Variants in CDH13 observed in about 807,000 individuals in gnomAD.
CDH13 encodes cadherin-13.
Under a neutral mutation model 63.8 loss-of-function variants are expected in CDH13, and 24 were observed. That is an observed-to-expected ratio of 0.38 (90% confidence interval 0.27 to 0.53). The LOEUF (loss-of-function observed/expected upper bound fraction) is 0.53. Ranked by LOEUF, CDH13 falls within the 20% of genes least tolerant of loss-of-function variation. The pLI, the probability that CDH13 is intolerant of heterozygous loss-of-function variation, is 0.85. For missense variants in CDH13, 1,049 were observed against 903.1 expected (o/e 1.16, Z -2.07); for synonymous variants, 503 against 355.3 (o/e 1.42, Z -4.67).
chr16:83,409,244 A>C (rs1023890711), intron 6 of CDH13, among the ~76,000 whole-genome samples: 3 of 152,124 alleles, frequency 2.0e-5, no homozygotes, highest in Admixed American at 1.3e-4. Flanking sequence ...AGAGAAAGAT[A>C]TGGGAGCTGG....
chr16:83,220,362 G>A (rs951874568), intron 5 of CDH13, among the ~76,000 whole-genome samples: 1 of 152,150 alleles, frequency 6.6e-6, no homozygotes, highest in African/African-American at 2.4e-5. Flanking sequence ...GCCTGTTTAA[G>A]AATAAGTTAC....
At chr16:83,531,040 C>G (rs188041265) in intron 7 of CDH13, among the ~76,000 whole-genome samples, 1 of 152,134 alleles carries the variant, frequency 6.6e-6, no homozygotes, top group African/African-American at 2.4e-5. Flanking sequence ...GGGATAGTTA[C>G]GAGCATTAAA....
intron 6 of CDH13, among the ~76,000 whole-genome samples, chr16:83,481,886 G>C (rs540372547): frequency 6.6e-6 from 1 of 152,218 alleles, no homozygotes; most frequent in Admixed American, 6.5e-5. Flanking sequence ...ATAGGAAGCT[G>C]CATGAGCTGG....
At chr16:83,559,421 A>T (rs1026914656) in intron 7 of CDH13, among the ~76,000 whole-genome samples, 1 of 152,112 alleles carries the variant, frequency 6.6e-6, no homozygotes, top group Non-Finnish European at 1.5e-5. Context: ...AAAATATGAA[A>T]TTAGCTGGGC....
chr16:82,887,263 C>T (rs1329893113), intron 2 of CDH13, among the ~76,000 whole-genome samples: 1 of 152,050 alleles, frequency 6.6e-6, no homozygotes, highest in Non-Finnish European at 1.5e-5. Flanking sequence ...GACTACTACA[C>T]AAAAGTAGTA....
At chr16:82,808,126 C>A (rs2037247325) in intron 1 of CDH13, among the ~76,000 whole-genome samples, 1 of 152,096 alleles carries the variant, frequency 6.6e-6, no homozygotes, top group South Asian at 2.1e-4. Flanking sequence ...GGGCAACACC[C>A]CTGACCTGTC....
rs926102115 is a variant in CDH13 at position 83,111,647 on chromosome 16, A to G, written c.367-13738A>G. ...GTCATAATTACATTTATGTTTGGTC[A>G]GAGCACTCAGGCATTGGATTGGAGA... On this transcript the variant is annotated intron_variant, in intron 3 of 13. Coordinates refer to ENST00000567109, the MANE Select transcript of CDH13 (RefSeq NM_001257.5). 2.0e-5 allele frequency among the ~76,000 whole-genome samples: 3 copies of G among 152,206 alleles called. No homozygotes were observed. In the South Asian group the frequency reaches 6.2e-4, roughly 32 times the overall value.
At chr16:83,113,681 A>G (rs1363746887) in intron 3 of CDH13, among the ~76,000 whole-genome samples, 1 of 152,144 alleles carries the variant, frequency 6.6e-6, no homozygotes, top group African/African-American at 2.4e-5. Flanking sequence ...GAGGAAGCCT[A>G]GAAGTGGTGC....
chr16:82,730,335 A>G (rs941633891), intron 1 of CDH13, among the ~76,000 whole-genome samples: 2 of 152,152 alleles, frequency 1.3e-5, no homozygotes, highest in Non-Finnish European at 2.9e-5. Context: ...TTGAGCATTT[A>G]GAGACCATTG....
chr16:82,839,230 C>T (rs2038904569), intron 1 of CDH13, among the ~76,000 whole-genome samples: 1 of 152,178 alleles, frequency 6.6e-6, no homozygotes. Context: ...GAGCCCCCTC[C>T]ATGTGGCCGC....
intron 4 of CDH13, among the ~76,000 whole-genome samples, chr16:83,210,079 G>A (rs2039297952): frequency 6.6e-6 from 1 of 151,954 alleles, no homozygotes; most frequent in South Asian, 2.1e-4. Flanking sequence ...TTGTTTGTTT[G>A]TTTGAGACAG....
Position 83,065,158 on chromosome 16 carries a change from T to C in CDH13, c.366+32940T>C, listed in dbSNP as rs544521131. Among the ~76,000 whole-genome samples, 8 of 152,340 alleles carry C rather than the reference T, an allele frequency of 5.3e-5. No individual in the cohort carries two copies. In the South Asian group the frequency reaches 1.7e-3, roughly 32 times the overall value. The stretch of plus-strand genomic sequence containing the variant: ...TTATCCACTGGCCACCTTTGTCTCC[T>C]GGTGATATACTGGACAGCACAGCTT... On this transcript the variant is annotated intron_variant, in intron 3 of 13. Coordinates refer to ENST00000567109, the MANE Select transcript of CDH13 (RefSeq NM_001257.5).
intron 2 of CDH13, among the ~76,000 whole-genome samples, chr16:82,881,451 T>C (rs766443610): frequency 6.6e-6 from 1 of 152,114 alleles, no homozygotes; most frequent in South Asian, 2.1e-4. Context: ...TGGTCCTGAG[T>C]TGGGGCAAGG....
chr16:83,482,040 C>A (rs749513863), intron 6 of CDH13, among the ~76,000 whole-genome samples: 18 of 152,112 alleles, frequency 1.2e-4, no homozygotes, highest in Non-Finnish European at 2.4e-4. Context: ...GGTATGTGAC[C>A]CAGGAATCCC....
chr16:83,221,317 G>GC (rs1165340115), intron 5 of CDH13, among the ~76,000 whole-genome samples: 1 of 152,070 alleles, frequency 6.6e-6, no homozygotes, highest in East Asian at 1.9e-4. Context: ...CCCTGCCCCA[G>GC]CCCCCAGAAA....
chr16:82,708,003 C>G (rs1415827940), intron 1 of CDH13, among the ~76,000 whole-genome samples: 1 of 152,144 alleles, frequency 6.6e-6, no homozygotes, highest in Non-Finnish European at 1.5e-5. Flanking sequence ...TGGCTTTGCC[C>G]TGTGTAATCA....
At chr16:83,414,017 C>G (rs1475419070) in intron 6 of CDH13, among the ~76,000 whole-genome samples, 1 of 152,122 alleles carries the variant, frequency 6.6e-6, no homozygotes, top group East Asian at 1.9e-4. Flanking sequence ...ATACTCTTCT[C>G]TCTTGTTGTC....
intron 1 of CDH13, among the ~76,000 whole-genome samples, chr16:82,739,958 T>C (rs1021397966): frequency 1.3e-5 from 2 of 152,226 alleles, no homozygotes; most frequent in Non-Finnish European, 2.9e-5. Flanking sequence ...TCTCCAGATA[T>C]TCAAAACTAA....
chr16:83,459,083 C>T (rs1355475758), intron 6 of CDH13, among the ~76,000 whole-genome samples: 2 of 152,222 alleles, frequency 1.3e-5, no homozygotes, highest in East Asian at 3.8e-4. Context: ...GCCAACAGCA[C>T]AATACCAACT....
Sources: allele counts gnomAD v4.1 joint callset (sites outside exome capture counted in the v4.1 genomes callset), GRCh38; gene constraint gnomAD v4.1.1; transcripts MANE v1.5; gene names NCBI Gene and HGNC (gene_info 2026-07-23, HGNC 2026-07-21).